SAMD15: variants seen among roughly 807,000 people sequenced by gnomAD.
SAMD15 encodes sterile alpha motif domain containing 15, also known as sterile alpha motif domain-containing protein 15.
A neutral mutation model predicts 50.5 loss-of-function variants in SAMD15; 37 were observed. The ratio of observed to expected loss-of-function variants is 0.73; its 90% CI spans 0.56 to 0.96. The LOEUF is 0.96. Ranked by LOEUF, SAMD15 falls within the 40% of genes least tolerant of loss-of-function variation. SAMD15 has a pLI of 0.00. For synonymous variants in SAMD15, 255 were observed against 282.8 expected (o/e 0.90, Z 0.99); for missense variants, 789 against 783.8 (o/e 1.01, Z -0.08).
Position 77,378,338 on chromosome 14 carries a change from G to A in SAMD15, c.920G>A (p.Arg307Gln), listed in dbSNP as rs141415666. 8.1e-4 allele frequency: 1,302 copies of A among 1,612,474 alleles called. 1 individual carries two copies. The highest frequency in any genetic ancestry group is 9.7e-4 in the Non-Finnish European group (1,146 of 1,179,622). The change falls in exon 1 of 3, where the codon CGG (arginine) becomes CAG (glutamine). Residue 307 changes from arginine to glutamine, a missense_variant. This residue lies in a region of SAMD15 where 770 missense variants were observed against 745.4 expected (regional missense o/e 1.03). Transcript: ENST00000216471. ...GAGAAAGGGACAGAACTACCTGAGC[G>A]GACTAAACCAGACTTTCCAGACCAC... ...TEEKGTELPE[R>Q]TKPDFPDHKP...
intron 2 of SAMD15, among the ~76,000 whole-genome samples, chr14:77,388,637 C>A (rs1894035345): frequency 6.6e-6 from 1 of 150,554 alleles, no homozygotes; most frequent in African/African-American, 2.5e-5. Flanking sequence ...GAGATGGAAT[C>A]TCTCTGCATC....
chr14:77,385,969 TC>T (rs1894001194), intron 2 of SAMD15, among the ~76,000 whole-genome samples: 1 of 151,052 alleles, frequency 6.6e-6, no homozygotes, highest in African/African-American at 2.4e-5. Context: ...CACTTCAGCC[TC>T]CCGGGTAGCT....
In SAMD15 at chr14:77,378,617, C is replaced by A. The variant is rs1483421779; in HGVS notation, c.1199C>A (p.Thr400Asn). 1.9e-6 allele frequency: 3 copies of A among 1,613,716 alleles called. No homozygotes were observed. Among genetic ancestry groups the A allele is most frequent in the Middle Eastern group, 1.6e-4 (1 of 6,084 alleles). ...QVEEKTQTKPTEKILELPDET... is the reference protein window; with the variant it reads ...QVEEKTQTKPNEKILELPDET... ...GAAGAGAAAACACAAACAAAGCCAACTGAGAAAATTCTAGAGTTACCAGAT... is the reference window on the plus strand; with the variant it reads ...GAAGAGAAAACACAAACAAAGCCAAATGAGAAAATTCTAGAGTTACCAGAT... The change falls in exon 1 of 3, where the codon ACT (threonine) becomes AAT (asparagine). Residue 400 changes from threonine to asparagine, a missense_variant. By Grantham distance (65) the Thr-to-Asn change is moderately conservative. Transcript: ENST00000216471.
chr14:77,380,312 TCC>T (rs1402990925), intron 1 of SAMD15, 69 bp from the exon 2 acceptor site: 6 of 948,296 alleles, frequency 6.3e-6, no homozygotes, highest in Non-Finnish European at 1.0e-5. Flanking sequence ...CTTCCCTTCC[TCC>T]CCCTTCCCTC....
chr14:77,379,507 T>C (rs1893917904), intron 1 of SAMD15, among the ~76,000 whole-genome samples: 1 of 151,836 alleles, frequency 6.6e-6, no homozygotes, highest in South Asian at 2.1e-4. Flanking sequence ...TGCCTCAACC[T>C]CCTGAGTAGC....
chr14:77,382,138 T>G (rs1678289365), intron 2 of SAMD15, among the ~76,000 whole-genome samples: 1 of 151,112 alleles, frequency 6.6e-6, no homozygotes, highest in African/African-American at 2.4e-5. Flanking sequence ...GGGTTTTTTT[T>G]TTTTGAGACC....
At chr14:77,383,491 G>A (rs1426277261) in intron 2 of SAMD15, among the ~76,000 whole-genome samples, 2 of 152,178 alleles carry the variant, frequency 1.3e-5, no homozygotes, top group Non-Finnish European at 2.9e-5. Context: ...ATCCTCAAGA[G>A]TAAATGACGA....
At chr14:77,390,068 T>G (rs2139654099) in intron 2 of SAMD15, among the ~76,000 whole-genome samples, 1 of 152,072 alleles carries the variant, frequency 6.6e-6, no homozygotes, top group South Asian at 2.1e-4. Flanking sequence ...TGATCTTGGC[T>G]CACTGCAACC....
In SAMD15 at chr14:77,380,409, T is replaced by C. The variant is rs761604237; in HGVS notation, c.1716T>C (p.Ser572=). The C allele has an allele frequency of 1.9e-6, 3 of 1,613,738 alleles. No homozygotes were observed. The Admixed American group carries it at 5.0e-5, about 27-fold the overall frequency. The change falls in exon 2 of 3, where the codon AGT becomes AGC. Residue 572 remains serine, a synonymous_variant. Coordinates refer to ENST00000216471, the MANE Select transcript of SAMD15 (RefSeq NM_001010860.4). ...AGTGTTTTATCACAAACTTCATCAGTGGCCGAAAACTCATTCACGTCAACT... is the reference window on the plus strand; with the variant it reads ...AGTGTTTTATCACAAACTTCATCAGCGGCCGAAAACTCATTCACGTCAACT... ...YKECFITNFI[S]GRKLIHVNCS...
At chr14:77,383,690 T>C (rs1477939175) in intron 2 of SAMD15, among the ~76,000 whole-genome samples, 1 of 152,082 alleles carries the variant, frequency 6.6e-6, no homozygotes, top group African/African-American at 2.4e-5. Flanking sequence ...AAGCTGATTA[T>C]GGCCAGGTCT....
chr14:77,381,178 G>C (rs1052686755), intron 2 of SAMD15, among the ~76,000 whole-genome samples: 1 of 152,092 alleles, frequency 6.6e-6, no homozygotes, highest in African/African-American at 2.4e-5. Context: ...TTGTGTCTCT[G>C]ACACCCATTT....
intron 2 of SAMD15, among the ~76,000 whole-genome samples, chr14:77,388,318 T>G (rs1317902463): frequency 2.6e-5 from 4 of 151,824 alleles, no homozygotes; most frequent in African/African-American, 9.7e-5. Flanking sequence ...GTGAGATGCC[T>G]ACCAAACAAG....
intron 2 of SAMD15, among the ~76,000 whole-genome samples, chr14:77,386,148 G>A (rs915825875): frequency 3.9e-5 from 6 of 152,012 alleles, no homozygotes; most frequent in African/African-American, 9.7e-5. Flanking sequence ...GAACCACTGC[G>A]CCTGGCCTCT....
At position 77,391,402 on chromosome 14, in the gene SAMD15, C is replaced by T; in HGVS notation, c.*158C>T. On this transcript the variant is annotated 3_prime_UTR_variant, in exon 3 of 3. Transcript: ENST00000216471. The stretch of plus-strand genomic sequence containing the variant: ...AGGCTGGAGTGCAATGGCACAGTCT[C>T]AGCTCACTGCAACCTTGCGATTCTC... 6 of 524,954 alleles carry T rather than the reference C, an allele frequency of 1.1e-5. No individual in the cohort carries two copies. The highest frequency in any genetic ancestry group is 8.8e-5 in the South Asian group (3 of 34,116). The allele number at this position is 524,954 out of a possible 1,614,324, so 32.5% of individuals were successfully genotyped here.
chr14:77,377,567 A>G lies in SAMD15; in HGVS notation c.149A>G (p.Glu50Gly). ...MAKADSKLPA[E>G]IYQEPQPETE... ...AAGGCAGACTCGAAGCTACCAGCAG[A>G]GATTTACCAAGAGCCACAGCCAGAG... is the stretch of plus-strand genomic sequence containing the variant. The change falls in exon 1 of 3, where the codon GAG becomes GGG. Residue 50 changes from glutamate to glycine, a missense_variant. Coordinates refer to ENST00000216471, the MANE Select transcript of SAMD15 (RefSeq NM_001010860.4). The G allele has an allele frequency of 6.2e-7, 1 of 1,614,162 alleles. No individual in the cohort carries two copies. The highest frequency in any genetic ancestry group is 8.5e-7 in the Non-Finnish European group (1 of 1,180,032).
intron 2 of SAMD15, among the ~76,000 whole-genome samples, chr14:77,381,863 A>G (rs759722821): frequency 6.6e-6 from 1 of 152,202 alleles, no homozygotes; most frequent in Non-Finnish European, 1.5e-5. Flanking sequence ...TTCCCATTTT[A>G]TAGAAAACTG....
intron 2 of SAMD15, among the ~76,000 whole-genome samples, chr14:77,386,460 G>C (rs1023233897): frequency 5.3e-5 from 8 of 152,140 alleles, no homozygotes; most frequent in African/African-American, 1.7e-4. Context: ...CAGATGTTAA[G>C]GAGACTATAC....
intron 2 of SAMD15, among the ~76,000 whole-genome samples, chr14:77,384,292 C>T (rs1893980602): frequency 6.6e-6 from 1 of 152,022 alleles, no homozygotes; most frequent in Non-Finnish European, 1.5e-5. Flanking sequence ...AACAGCATTG[C>T]CACTGTGCAC....
chr14:77,386,529 C>G (rs1015613072), intron 2 of SAMD15, among the ~76,000 whole-genome samples: 6 of 152,120 alleles, frequency 3.9e-5, no homozygotes, highest in African/African-American at 1.4e-4. Context: ...GTAATCTCAG[C>G]TACTCCAGAG....
Sources: allele counts gnomAD v4.1 joint callset (sites outside exome capture counted in the v4.1 genomes callset), GRCh38; gene constraint gnomAD v4.1.1; regional missense constraint gnomAD v4.1.1; transcripts MANE v1.5; gene names NCBI Gene and HGNC (gene_info 2026-07-23, HGNC 2026-07-21).